STOX2: variants seen among roughly 807,000 people sequenced by gnomAD.
STOX2 encodes storkhead box 2, also known as storkhead-box protein 2.
A neutral mutation model predicts 60.9 loss-of-function variants in STOX2; 28 were observed. The observed-to-expected ratio is 0.46, with a 90% CI of 0.34 to 0.63. The LOEUF (loss-of-function observed/expected upper bound fraction) is 0.63, where lower values mean the gene tolerates loss of function less well. Among genes scored for constraint, STOX2 ranks in the 30% least tolerant of loss-of-function variants. The pLI is 0.01. For missense variants in STOX2, 1,024 were observed against 1,187.7 expected, an observed-to-expected ratio of 0.86 and a Z score of 2.03; for synonymous variants, 472 against 463.9, an observed-to-expected ratio of 1.02 and a Z score of -0.22.
chr4:183,824,092 T>G (rs753740544), intron 1 of STOX2, among the ~76,000 whole-genome samples: 8 of 152,230 alleles, frequency 5.3e-5, no homozygotes, highest in Admixed American at 3.9e-4. Context: ...GCATCAGATG[T>G]TAGAACAATT....
intron 1 of STOX2, among the ~76,000 whole-genome samples, chr4:183,981,716 A>G (rs1382912524): frequency 6.6e-6 from 1 of 152,184 alleles, no homozygotes; most frequent in Non-Finnish European, 1.5e-5. Flanking sequence ...AATAGTTTAT[A>G]CCACAATGTG....
intron 1 of STOX2, among the ~76,000 whole-genome samples, chr4:183,957,364 C>A (rs201966662): frequency 1.3e-4 from 20 of 152,012 alleles, no homozygotes; most frequent in Non-Finnish European, 2.2e-4. Context: ...CAGCCTTTGA[C>A]CCTGTGGTTT....
intron 1 of STOX2, among the ~76,000 whole-genome samples, chr4:183,810,718 AC>A (rs1412995320): frequency 6.7e-6 from 1 of 150,226 alleles, no homozygotes; most frequent in Non-Finnish European, 1.5e-5. Context: ...CTGCACCCTC[AC>A]CCCCACCCCC....
chr4:183,928,863 T>C (rs564900029), intron 1 of STOX2, among the ~76,000 whole-genome samples: 1 of 151,492 alleles, frequency 6.6e-6, no homozygotes, highest in African/African-American at 2.4e-5. Flanking sequence ...TTGGAAATAG[T>C]CCTGAAAAGA....
At chr4:183,886,356 G>C (rs200022792) in intron 1 of STOX2, among the ~76,000 whole-genome samples, 1 of 150,828 alleles carries the variant, frequency 6.6e-6, no homozygotes, top group Non-Finnish European at 1.5e-5. Context: ...AAAGGGGGGG[G>C]AATGAGGAAA....
chr4:183,820,835 C>T (rs186089304), intron 1 of STOX2, among the ~76,000 whole-genome samples: 1 of 152,170 alleles, frequency 6.6e-6, no homozygotes, highest in Admixed American at 6.5e-5. Context: ...TTTGGCAGAG[C>T]ACGGTGGTTA....
At chr4:183,938,756 T>C (rs1742663856) in intron 1 of STOX2, among the ~76,000 whole-genome samples, 1 of 152,158 alleles carries the variant, frequency 6.6e-6, no homozygotes, top group Admixed American at 6.5e-5. Context: ...CAACTTTGAT[T>C]TTCAAAGCTC....
At chr4:183,959,005 C>G (rs994424546) in intron 1 of STOX2, among the ~76,000 whole-genome samples, 1 of 152,002 alleles carries the variant, frequency 6.6e-6, no homozygotes, top group African/African-American at 2.4e-5. Context: ...TGGATTATTT[C>G]AGACTGAAAA....
At chr4:183,971,454 AG>A (rs1201524649) in intron 1 of STOX2, among the ~76,000 whole-genome samples, 2 of 152,224 alleles carry the variant, frequency 1.3e-5, no homozygotes, top group South Asian at 2.1e-4. Flanking sequence ...AAAGCTCATT[AG>A]TACCTCTGGC....
At chr4:183,830,901 A>AC (rs1739549811) in intron 1 of STOX2, among the ~76,000 whole-genome samples, 1 of 148,112 alleles carries the variant, frequency 6.8e-6, no homozygotes, top group Admixed American at 6.6e-5. Context: ...GCATTTTTAG[A>AC]ATTTTTTTTT....
At chr4:183,923,534 C>T (rs1742159444) in intron 1 of STOX2, among the ~76,000 whole-genome samples, 1 of 152,172 alleles carries the variant, frequency 6.6e-6, no homozygotes. Context: ...CAGAGCAGAC[C>T]AACAAACGTG....
At chr4:183,903,301 A>G (rs890340080), upstream of STOX2, among the ~76,000 whole-genome samples, 3 of 152,132 alleles carry the variant, frequency 2.0e-5, no homozygotes, top group Non-Finnish European at 4.4e-5. Context: ...CCTCCAACAG[A>G]AAGTCAAGAT....
In STOX2 at chr4:184,011,554, T is replaced by C. The variant is rs777814429; in HGVS notation, c.2585+131T>C. 98 of 1,556,712 alleles carry C rather than the reference T, an allele frequency of 6.3e-5. No individual in the cohort carries two copies. The highest frequency in any genetic ancestry group is 7.7e-5 in the Non-Finnish European group (89 of 1,153,612). ...AGGGTTAAGAGTTGTATGAGTTGTA[T>C]TGTTAACAATCTGTTTCTGACTTCT... On this transcript the variant is annotated intron_variant, in intron 3 of 3. Transcript: ENST00000308497. The surrounding 1 kb of genome is among the most constrained non-coding windows in gnomAD (Gnocchi z 4.4).
intron 1 of STOX2, among the ~76,000 whole-genome samples, chr4:183,985,054 A>G (rs1211747063): frequency 6.6e-6 from 1 of 152,238 alleles, no homozygotes; most frequent in South Asian, 2.1e-4. Flanking sequence ...GACCGTGTAT[A>G]TTCTTTTCCA....
chr4:183,918,890 AC>A (rs1324696454), intron 1 of STOX2, among the ~76,000 whole-genome samples: 1 of 152,054 alleles, frequency 6.6e-6, no homozygotes, highest in Non-Finnish European at 1.5e-5. Flanking sequence ...CCTCCTGTGA[AC>A]CTCTGCACCA....
rs1239163239 is a variant in STOX2 at position 183,905,999 on chromosome 4, G to A, written c.-792G>A. ...ACAGCGCCCGGAGCCTCGGCAAGGG[G>A]AAGATTGACGAGGCGCTGCAGTCGC... On this transcript the variant is annotated 5_prime_UTR_variant, in exon 1 of 4. Coordinates refer to ENST00000308497, the MANE Select transcript of STOX2 (RefSeq NM_020225.3). 1 of 152,286 alleles carries A rather than the reference G, an allele frequency of 6.6e-6. No individual in the cohort carries two copies. The highest frequency in any genetic ancestry group is 2.4e-5 in the African/African-American group (1 of 41,454). The allele number at this position is 152,286 out of a possible 1,614,324, so 9.4% of individuals were successfully genotyped here.
intron 3 of STOX2, chr4:184,014,519 C>A (rs1451758957): frequency 6.6e-6 from 1 of 151,660 alleles, no homozygotes; most frequent in African/African-American, 2.4e-5. Context: ...ATTTCTCCTG[C>A]CTATAAAATC....
intron 1 of STOX2, among the ~76,000 whole-genome samples, chr4:183,835,835 C>T (rs1560838025): frequency 6.6e-6 from 1 of 152,190 alleles, no homozygotes; most frequent in East Asian, 1.9e-4. Context: ...ACATTCCCTA[C>T]AAGTCTTTGT....
In STOX2 at chr4:183,884,351, A is replaced by T. The variant is rs138038434; in HGVS notation, c.364+86296A>T. Reference sequence around the variant, plus strand: ...GCAGATGTGAATACCTTGAGCTCCTAGGGTCCGGTTTAGTAGCATGAGATA... The same window carrying T: ...GCAGATGTGAATACCTTGAGCTCCTTGGGTCCGGTTTAGTAGCATGAGATA... On this transcript the variant is annotated intron_variant, in intron 1 of 2. Coordinates refer to the STOX2 transcript ENST00000513034. Among the ~76,000 whole-genome samples the T allele has an allele frequency of 2.8e-3, 422 of 151,220 alleles. 2 individuals are homozygous for T. The highest frequency in any genetic ancestry group is 9.8e-3 in the African/African-American group (405 of 41,144).
Sources: allele counts gnomAD v4.1 joint callset (sites outside exome capture counted in the v4.1 genomes callset), GRCh38; gene constraint gnomAD v4.1.1; non-coding constraint Gnocchi (gnomAD v3.1); transcripts MANE v1.5; gene names NCBI Gene and HGNC (gene_info 2026-07-23, HGNC 2026-07-21).